Variants in ZNF287 observed in about 807,000 individuals in gnomAD.
The protein encoded by ZNF287 is zinc finger protein 287, also known as zinc finger protein with KRAB and SCAN domains 13.
Under a neutral mutation model 73.7 loss-of-function variants are expected in ZNF287, and 31 were observed. The ratio of observed to expected loss-of-function variants is 0.42; its 90% CI spans 0.32 to 0.57. The LOEUF (loss-of-function observed/expected upper bound fraction) is 0.57, where lower values mean the gene tolerates loss of function less well. Ranked by LOEUF, ZNF287 falls within the 20% of genes least tolerant of loss-of-function variation. The pLI, the probability that ZNF287 is intolerant of heterozygous loss-of-function variation, is 0.13. For synonymous variants in ZNF287, 301 were observed against 307.2 expected (o/e 0.98, Z 0.21); for missense variants, 641 against 909.3 (o/e 0.70, Z 3.79).
In ZNF287 at chr17:16,553,195, A is replaced by G. The variant is rs1906808322; in HGVS notation, c.947T>C (p.Ile316Thr). ...PTEECLSKYDIYRNNFEKHSN... is the reference protein window; with the variant it reads ...PTEECLSKYDTYRNNFEKHSN... Reference sequence around the variant, plus strand: ...ATGCTTTTCAAAATTATTTCTATATATATCATATTTACTAAGACATTCTTC... The same window carrying G: ...ATGCTTTTCAAAATTATTTCTATATGTATCATATTTACTAAGACATTCTTC... The change falls in exon 6 of 6, where the codon ATA (isoleucine) becomes ACA (threonine). Residue 316 changes from isoleucine (I) to threonine (T), a missense_variant. Physicochemically the swap from Ile to Thr is moderately conservative, Grantham distance 89. Around this residue, in one of 2 missense-constraint regions of ZNF287, gnomAD observed 357 missense variants for 442.4 expected, o/e 0.81. Coordinates refer to ENST00000395825, the MANE Select transcript of ZNF287 (RefSeq NM_020653.4). 5 of 1,599,954 alleles carry G rather than the reference A, an allele frequency of 3.1e-6. 1 individual carries two copies. The South Asian group carries it at 5.5e-5, about 18-fold the overall frequency.
chr17:16,563,356 A>T (rs1907558093), intron 4 of ZNF287, 124 bp from the exon 5 acceptor site: 12 of 664,770 alleles, frequency 1.8e-5, no homozygotes, highest in Non-Finnish European at 3.0e-5. Flanking sequence ...CATGGACATG[A>T]TCTAATAAGA....
chr17:16,563,076 TG>T, intron 5 of ZNF287, 69 bp downstream of exon 5: 1 of 1,242,136 alleles, frequency 8.1e-7, no homozygotes, highest in Non-Finnish European at 1.2e-6. Flanking sequence ...ATATTTAAAA[TG>T]CATTTCTCAC....
rs1434562170 is a variant in ZNF287, at chr17:16,548,749, G to A, written c.*3107C>T. Among the ~76,000 whole-genome samples the A allele has an allele frequency of 1.4e-4, 21 of 152,116 alleles. No homozygotes were observed. The highest frequency in any genetic ancestry group is 4.8e-4 in the African/African-American group (20 of 41,424). On this transcript the variant is annotated 3_prime_UTR_variant, in exon 6 of 6. Coordinates refer to ENST00000395825, the MANE Select transcript of ZNF287 (RefSeq NM_020653.4). The stretch of plus-strand genomic sequence containing the variant: ...TGGGAGGCGGACCTTGCAGTGAGCC[G>A]AGATTGCACCACTGCACTCTGGCCT...
chr17:16,554,746 C>T (rs1401477576), intron 5 of ZNF287, among the ~76,000 whole-genome samples: 8 of 152,150 alleles, frequency 5.3e-5, no homozygotes, highest in African/African-American at 1.9e-4. Context: ...TGGCAAAACG[C>T]TGTCTCTACT....
rs1906321714 is a variant in ZNF287, at chr17:16,547,283, T to C, written c.*4573A>G. Among the ~76,000 whole-genome samples the C allele has an allele frequency of 6.6e-6, 1 of 152,180 alleles. No homozygotes were observed. The highest frequency in any genetic ancestry group is 1.5e-5 in the Non-Finnish European group (1 of 68,034). ...TTATAAACACCGTAAGTTATAGACA[T>C]ATAATAGTTAAAACACAACGTATTA... is the stretch of plus-strand genomic sequence containing the variant. On this transcript the variant is annotated 3_prime_UTR_variant, in exon 6 of 6. Transcript: ENST00000395825.
chr17:16,563,635 C>A, intron 4 of ZNF287, 64 bp downstream of exon 4: 2 of 1,554,142 alleles, frequency 1.3e-6, no homozygotes, highest in Non-Finnish European at 1.7e-6. Flanking sequence ...CCAAGCATGT[C>A]TGAGGACCAA....
chr17:16,558,735 C>T (rs1198919006), intron 5 of ZNF287, among the ~76,000 whole-genome samples: 1 of 152,144 alleles, frequency 6.6e-6, no homozygotes, highest in East Asian at 1.9e-4. Flanking sequence ...AGTCTCAGCA[C>T]TGGAGGCCAA....
Position 16,563,617 on chromosome 17 carries a change from A to AT in ZNF287, c.628+81dup, listed in dbSNP as rs1298204821. ...ATAAGAACATTTATTTCTGGACCCC[A>AT]TTTTTAGCCAAGCATGTCTGAGGAC... On this transcript the variant is annotated intron_variant, in intron 4 of 5. Coordinates refer to ENST00000395825, the MANE Select transcript of ZNF287 (RefSeq NM_020653.4). 2.0e-6 allele frequency: 3 copies of AT among 1,473,734 alleles called. No homozygotes were observed. The African/African-American group carries it at 4.2e-5, about 21-fold the overall frequency. The allele number at this position is 1,473,734 out of a possible 1,614,324, so 91.3% of individuals were successfully genotyped here. A position where few individuals can be genotyped will look rare whatever the true frequency, so the allele number is the denominator to read the frequency against.
chr17:16,560,402 T>G (rs1234967433), intron 5 of ZNF287, among the ~76,000 whole-genome samples: 4 of 149,756 alleles, frequency 2.7e-5, no homozygotes, highest in Non-Finnish European at 4.4e-5. Flanking sequence ...CAGGCTGGAG[T>G]GCAGTGGCAC....
Position 16,552,034 on chromosome 17 carries a change from G to A in ZNF287, c.2108C>T (p.Pro703Leu). 1 of 1,613,954 alleles carries A rather than the reference G, an allele frequency of 6.2e-7. No homozygotes were observed. Among genetic ancestry groups the A allele is most frequent in the Non-Finnish European group, 8.5e-7 (1 of 1,179,954 alleles). Residue 703 changes from proline to leucine, a missense_variant, in exon 6 of 6, where the codon CCC becomes CTC. Physicochemically the swap from Pro to Leu is moderately conservative, Grantham distance 98. Transcript: ENST00000395825. This position sits in a 1 kb window ranked among gnomAD's most constrained non-coding sequence, Gnocchi z 6.5. ...CTTATCACATTCATTACATTTATAGGGTCTCTCTCCAGTATGAGTTCTCTG... is the reference window on the plus strand; with the variant it reads ...CTTATCACATTCATTACATTTATAGAGTCTCTCTCCAGTATGAGTTCTCTG... ...QHQRTHTGER[P>L]YKCNECDKDF...
intron 5 of ZNF287, among the ~76,000 whole-genome samples, chr17:16,556,945 T>G (rs906230788): frequency 4.6e-5 from 7 of 152,076 alleles, no homozygotes; most frequent in Non-Finnish European, 1.0e-4. Context: ...CCTCCCAAGT[T>G]CAAGCGATTC....
intron 5 of ZNF287, among the ~76,000 whole-genome samples, chr17:16,562,250 AG>A (rs2142493969): frequency 6.6e-6 from 1 of 152,360 alleles, no homozygotes; most frequent in Non-Finnish European, 1.5e-5. Flanking sequence ...ATATAAAAAA[AG>A]AAATGAGGAA....
chr17:16,566,390 G>C, intron 3 of ZNF287, 135 bp downstream of exon 3: 2 of 641,710 alleles, frequency 3.1e-6, no homozygotes, highest in Non-Finnish European at 5.3e-6. Context: ...AACAGACCAA[G>C]ATAACATAGG....
At position 16,548,047 on chromosome 17, in the gene ZNF287, C is replaced by G. The variant is rs551710106; in HGVS notation, c.*3809G>C. On this transcript the variant is annotated 3_prime_UTR_variant, in exon 6 of 6. Coordinates refer to ENST00000395825, the MANE Select transcript of ZNF287 (RefSeq NM_020653.4). ...TCCTAGTTGATGAGGGAACATTATA[C>G]AAGAATGCCACTCAACAAGTGTAGA... Among the ~76,000 whole-genome samples the G allele has an allele frequency of 2.6e-5, 4 of 152,178 alleles. No homozygotes were observed. The highest frequency in any genetic ancestry group is 4.4e-5 in the Non-Finnish European group (3 of 68,042).
Position 16,566,637 on chromosome 17 carries a change from G to C in ZNF287, c.404-15C>G. On this transcript the variant is annotated splice_polypyrimidine_tract_variant and intron_variant, in intron 2 of 5. Coordinates refer to ENST00000395825, the MANE Select transcript of ZNF287 (RefSeq NM_020653.4). ...GTTTTGAGGAGCTAGAGAAGAGAAA[G>C]AGGTCATGAGGGAGATTAGTCCTTT... 1 of 1,592,044 alleles carries C rather than the reference G, an allele frequency of 6.3e-7. No homozygotes were observed. Among genetic ancestry groups the C allele is most frequent in the South Asian group, 1.1e-5 (1 of 89,544 alleles).
chr17:16,556,330 G>C (rs577080201), intron 5 of ZNF287, among the ~76,000 whole-genome samples: 1 of 152,182 alleles, frequency 6.6e-6, no homozygotes, highest in Admixed American at 6.5e-5. Context: ...CTAAGAAAAT[G>C]TTTAGGAGTA....
At position 16,563,689 on chromosome 17, in the gene ZNF287, T is replaced by A. The variant is rs374770008; in HGVS notation, c.628+10A>T. ...AGGCTCGGAGGAGGAGGGATGCAGA[T>A]GATCCTTACCCAGAGAAACCATGTT... On this transcript the variant is annotated intron_variant, in intron 4 of 5. Coordinates refer to ENST00000395825, the MANE Select transcript of ZNF287 (RefSeq NM_020653.4). 21 of 1,610,902 alleles carry A rather than the reference T, an allele frequency of 1.3e-5. No individual in the cohort carries two copies. The highest frequency in any genetic ancestry group is 4.0e-5 in the African/African-American group (3 of 74,846).
chr17:16,566,681 C>A, intron 2 of ZNF287, 59 bp from the exon 3 acceptor site: 1 of 1,256,526 alleles, frequency 8.0e-7, no homozygotes, highest in East Asian at 2.5e-5. Context: ...CCTAGGAAAC[C>A]CCTCACCAAA....
chr17:16,565,757 C>T (rs1172616563), intron 3 of ZNF287, among the ~76,000 whole-genome samples: 2 of 152,066 alleles, frequency 1.3e-5, no homozygotes, highest in Non-Finnish European at 2.9e-5. Flanking sequence ...GAGGCCAACA[C>T]GGGTGGATCA....
Sources: allele counts gnomAD v4.1 joint callset (sites outside exome capture counted in the v4.1 genomes callset), GRCh38; gene constraint gnomAD v4.1.1; regional missense constraint gnomAD v4.1.1; non-coding constraint Gnocchi (gnomAD v3.1); transcripts MANE v1.5; gene names NCBI Gene and HGNC (gene_info 2026-07-23, HGNC 2026-07-21).